The following GPR158 variants were observed in gnomAD, a reference collection of about 807,000 sequenced individuals.
GPR158 encodes G protein-coupled receptor 158, also known as metabotropic glycine receptor.
In GPR158, 30 loss-of-function variants were observed where a neutral mutation model predicts 78.2. The observed-to-expected ratio is 0.38, with a 90% CI of 0.29 to 0.52. The LOEUF is 0.52. GPR158 is among the 20% of genes least tolerant of loss of function. The probability of loss-of-function intolerance (pLI) is 0.83; values close to 1 mark genes in which losing one functional copy is unlikely to be tolerated. For missense variants in GPR158, 1,463 were observed against 1,523.5 expected (o/e 0.96, Z 0.66); for synonymous variants, 581 against 591.1 (o/e 0.98, Z 0.25).
intron 7 of GPR158, among the ~76,000 whole-genome samples, chr10:25,578,893 C>T (rs920168262): frequency 6.6e-6 from 1 of 152,028 alleles, no homozygotes; most frequent in African/African-American, 2.4e-5. Context: ...CCTGTAATCC[C>T]AGCTACTCAG....
At chr10:25,334,563 G>A (rs1433159617) in intron 2 of GPR158, among the ~76,000 whole-genome samples, 2 of 151,908 alleles carry the variant, frequency 1.3e-5, no homozygotes, top group South Asian at 2.1e-4. Flanking sequence ...TTCACACTAT[G>A]CAAGCAGAGC....
chr10:25,491,906 G>A (rs1385828262), intron 5 of GPR158, among the ~76,000 whole-genome samples: 1 of 152,092 alleles, frequency 6.6e-6, no homozygotes, highest in Admixed American at 6.6e-5. Flanking sequence ...TATAGTTATT[G>A]CTATGAAGAA....
At chr10:25,228,385 A>G (rs532466041) in intron 2 of GPR158, among the ~76,000 whole-genome samples, 5 of 152,146 alleles carry the variant, frequency 3.3e-5, no homozygotes, top group Admixed American at 2.6e-4. Context: ...AGTATTACAT[A>G]TAGTAGCAAA....
chr10:25,397,921 A>C (rs1361481278), intron 3 of GPR158, among the ~76,000 whole-genome samples: 4 of 152,188 alleles, frequency 2.6e-5, no homozygotes, highest in African/African-American at 9.6e-5. Flanking sequence ...GGAGAGAGAG[A>C]ATCTTCTACT....
chr10:25,595,132 CA>C (rs1181323083), intron 9 of GPR158, among the ~76,000 whole-genome samples: 2 of 152,122 alleles, frequency 1.3e-5, no homozygotes, highest in African/African-American at 2.4e-5. Flanking sequence ...TTCAGTGCCA[CA>C]AAATACAGTG....
intron 6 of GPR158, among the ~76,000 whole-genome samples, chr10:25,559,875 ATGT>A (rs1189041286): frequency 1.3e-5 from 2 of 152,240 alleles, no homozygotes; most frequent in Non-Finnish European, 2.9e-5. Flanking sequence ...TTGTCACAAT[ATGT>A]AACTCTTCTG....
chr10:25,338,335 G>A (rs1855239809), intron 2 of GPR158, among the ~76,000 whole-genome samples: 1 of 148,294 alleles, frequency 6.7e-6, no homozygotes, highest in African/African-American at 2.5e-5. Context: ...TGATTCCAGT[G>A]TTTTGCCAAG....
intron 5 of GPR158, among the ~76,000 whole-genome samples, chr10:25,540,005 AGGCAACCTACAGAAT>A (rs1291970989): frequency 6.6e-6 from 1 of 152,212 alleles, no homozygotes; most frequent in Non-Finnish European, 1.5e-5. Flanking sequence ...CAGAGTGAAC[AGGCAACCTACAGAAT>A]GGGAGAAAAT....
chr10:25,257,416 G>A (rs1244670873), intron 2 of GPR158, among the ~76,000 whole-genome samples: 1 of 152,190 alleles, frequency 6.6e-6, no homozygotes, highest in Non-Finnish European at 1.5e-5. Flanking sequence ...TAGAAATTCT[G>A]ATTAGCATTG....
intron 2 of GPR158, among the ~76,000 whole-genome samples, chr10:25,253,328 TG>T (rs1853841525): frequency 6.6e-6 from 1 of 152,180 alleles, no homozygotes. Context: ...TCGGCCATCT[TG>T]GCACCTCCCC....
intron 3 of GPR158, among the ~76,000 whole-genome samples, chr10:25,402,731 A>T (rs1488258759): frequency 6.6e-6 from 1 of 151,974 alleles, no homozygotes; most frequent in East Asian, 1.9e-4. Context: ...TTTTCTGTAA[A>T]ATTTAAATGA....
intron 2 of GPR158, among the ~76,000 whole-genome samples, chr10:25,324,825 T>A (rs1855005094): frequency 8.1e-6 from 1 of 123,234 alleles, no homozygotes; most frequent in African/African-American, 3.7e-5. Flanking sequence ...ATTTTCTTTT[T>A]TCTTTCTTTT....
At chr10:25,408,235 C>G (rs1196470492) in intron 3 of GPR158, among the ~76,000 whole-genome samples, 1 of 152,188 alleles carries the variant, frequency 6.6e-6, no homozygotes, top group African/African-American at 2.4e-5. Flanking sequence ...AATACCTTCA[C>G]AGATACTTTT....
intron 5 of GPR158, among the ~76,000 whole-genome samples, chr10:25,541,637 T>C (rs998116382): frequency 6.6e-6 from 1 of 151,598 alleles, no homozygotes; most frequent in Non-Finnish European, 1.5e-5. Context: ...CACAGGACAT[T>C]GAATAAAGGC....
At chr10:25,448,298 G>A (rs910958232) in intron 4 of GPR158, among the ~76,000 whole-genome samples, 1 of 151,732 alleles carries the variant, frequency 6.6e-6, no homozygotes, top group African/African-American at 2.4e-5. Flanking sequence ...CACCGTGTTA[G>A]CCAGGATGGT....
intron 1 of GPR158, among the ~76,000 whole-genome samples, chr10:25,213,501 T>C (rs1258693990): frequency 6.6e-6 from 1 of 152,194 alleles, no homozygotes; most frequent in Non-Finnish European, 1.5e-5. Context: ...TTTTAATATA[T>C]GTAAACATTT....
intron 4 of GPR158, among the ~76,000 whole-genome samples, chr10:25,422,856 C>CCA (rs901201621): frequency 6.8e-6 from 1 of 147,392 alleles, no homozygotes; most frequent in Non-Finnish European, 1.5e-5. Context: ...CCTTACCCCC[C>CCA]CCACACTTTC....
At chr10:25,540,520 T>C (rs1836564900) in intron 5 of GPR158, among the ~76,000 whole-genome samples, 1 of 152,138 alleles carries the variant, frequency 6.6e-6, no homozygotes, top group South Asian at 2.1e-4. Context: ...CTATTCACAA[T>C]AGCAAAGACT....
At chr10:25,383,092 C>T (rs534938727) in intron 2 of GPR158, among the ~76,000 whole-genome samples, 7 of 152,286 alleles carry the variant, frequency 4.6e-5, no homozygotes, top group Admixed American at 2.0e-4. Flanking sequence ...GCCTCCGTCT[C>T]CCAAAGTGCT....
Sources: allele counts gnomAD v4.1 joint callset (sites outside exome capture counted in the v4.1 genomes callset), GRCh38; gene constraint gnomAD v4.1.1; transcripts MANE v1.5; gene names NCBI Gene and HGNC (gene_info 2026-07-23, HGNC 2026-07-21).